The following MSH6 variants were observed in gnomAD, a reference collection of about 807,000 sequenced individuals.
MSH6 encodes DNA mismatch repair protein Msh6.
MSH6 carries 85 observed loss-of-function variants against 119.1 expected under a neutral mutation model. The ratio of observed to expected loss-of-function variants is 0.71; its 90% CI spans 0.60 to 0.85. The LOEUF (loss-of-function observed/expected upper bound fraction) is 0.85, where lower values mean the gene tolerates loss of function less well. MSH6 is among the 40% of genes least tolerant of loss of function. The pLI is 0.00. For synonymous variants in MSH6, 830 were observed against 586.9 expected (o/e 1.41, Z -5.99); for missense variants, 2,163 against 1,655.3 (o/e 1.31, Z -5.32).
At chr2:47,805,846 G>A (rs771391981) in intron 7 of MSH6, 139 bp downstream of exon 7, 17 of 752,226 alleles carry the variant, frequency 2.3e-5, no homozygotes, top group Non-Finnish European at 3.7e-5. Context: ...TTGTGGCACA[G>A]ACCGATAGTT....
In MSH6 at chr2:47,806,619, T is replaced by C. The variant is rs1057520473; in HGVS notation, c.3969T>C (p.Phe1323=). 6.2e-7 allele frequency: 1 copy of C among 1,612,498 alleles called. No individual in the cohort carries two copies. The highest frequency in any genetic ancestry group is 8.5e-7 in the Non-Finnish European group (1 of 1,179,862). ...IQKGHRKARE[F]EKMNQSLRLF... is the part of the protein sequence containing the mutation. ...AGGGACATAGAAAAGCAAGAGAATT[T>C]GAGAAGATGAATCAGTCACTACGAT... The change falls in exon 9 of 10, where the codon TTT becomes TTC. Residue 1323 remains phenylalanine, a synonymous_variant. Transcript: ENST00000234420.
intron 4 of MSH6, 123 bp downstream of exon 4, chr2:47,801,278 T>G (rs1003314148): frequency 2.9e-6 from 3 of 1,047,936 alleles, no homozygotes; most frequent in African/African-American, 3.2e-5. Flanking sequence ...CATATACATA[T>G]TTGCATCCTG....
chr2:47,790,882 CTT>C, intron 1 of MSH6, 43 bp from the exon 2 acceptor site: 1 of 1,591,000 alleles, frequency 6.3e-7, no homozygotes, highest in Middle Eastern at 1.7e-4. Context: ...TTTAAGGAAA[CTT>C]GACCAAATAT....
intron 1 of MSH6, among the ~76,000 whole-genome samples, chr2:47,786,921 C>A (rs149254684): frequency 6.5e-4 from 99 of 152,272 alleles, no homozygotes; most frequent in African/African-American, 2.2e-3. Context: ...CAAGTGTGAG[C>A]CACCACACCC....
At chr2:47,809,578 G>T, downstream of MSH6, 1 of 1,507,904 alleles carries the variant, frequency 6.6e-7, no homozygotes, top group Non-Finnish European at 9.2e-7. Flanking sequence ...TATATTTATA[G>T]GTATAGCAGA....
chr2:47,807,523 C>T (rs1670304023), downstream of MSH6: 1 of 210,802 alleles, frequency 4.7e-6, no homozygotes, highest in Non-Finnish European at 9.6e-6. Flanking sequence ...AACGTACATA[C>T]TGGGACATGA....
In MSH6 at chr2:47,805,010, C is replaced by T. The variant is rs766905993; in HGVS notation, c.3539C>T (p.Ser1180Leu). 1 of 1,612,644 alleles carries T rather than the reference C, an allele frequency of 6.2e-7. No individual in the cohort carries two copies. Among genetic ancestry groups the T allele is most frequent in the Non-Finnish European group, 8.5e-7 (1 of 1,178,670 alleles). Residue 1180 changes from serine (S) to leucine (L), a missense_variant, in exon 6 of 10, where the codon TCA becomes TTA. Coordinates refer to ENST00000234420, the MANE Select transcript of MSH6 (RefSeq NM_000179.3). ...AGAGTGTTTACTAGACTTGGTGCCT[C>T]AGACAGAATAATGTCAGGTGAGTTT... ...IDRVFTRLGA[S>L]DRIMSGESTF... is the part of the protein sequence containing the mutation.
chr2:47,799,378 A>T lies in MSH6; in HGVS notation c.1395A>T (p.Ala465=), dbSNP rs1057520322. ...CCCATTCTGGCTTTCCTGAAATTGC[A>T]TTTGGCCGTTATTCAGATTCCCTGG... ...NWAHSGFPEI[A]FGRYSDSLVQ... The change falls in exon 4 of 10, where the codon GCA becomes GCT. Residue 465 remains alanine, a synonymous_variant. Transcript: ENST00000234420. 2.5e-6 allele frequency: 4 copies of T among 1,614,106 alleles called. No homozygotes were observed. Among genetic ancestry groups the T allele is most frequent in the Non-Finnish European group, 1.7e-6 (2 of 1,180,014 alleles).
rs1335712213 is a variant in MSH6 at position 47,803,548 on chromosome 2, A to G, written c.3301A>G (p.Lys1101Glu). 1 of 1,614,094 alleles carries G rather than the reference A, an allele frequency of 6.2e-7. No homozygotes were observed. Among genetic ancestry groups the G allele is most frequent in the South Asian group, 1.1e-5 (1 of 91,082 alleles). Residue 1101 changes from lysine to glutamate, a missense_variant, in exon 5 of 10, where the codon AAG becomes GAG. Coordinates refer to ENST00000234420, the MANE Select transcript of MSH6 (RefSeq NM_000179.3). ...LKGSRHPCITKTFFGDDFIPN... is the reference protein window; with the variant it reads ...LKGSRHPCITETFFGDDFIPN... ...AGGATCACGCCATCCTTGCATTACGAAGACTTTTTTTGGAGATGATTTTAT... is the reference window on the plus strand; with the variant it reads ...AGGATCACGCCATCCTTGCATTACGGAGACTTTTTTTGGAGATGATTTTAT...
Position 47,783,323 on chromosome 2 carries a change from A to G in MSH6, c.90A>G (p.Glu30=), listed in dbSNP as rs1060504760. 7.4e-6 allele frequency: 12 copies of G among 1,610,770 alleles called. No homozygotes were observed. The highest frequency in any genetic ancestry group is 9.3e-6 in the Non-Finnish European group (11 of 1,178,946). The change falls in exon 1 of 10, where the codon GAA becomes GAG. Residue 30 remains glutamate (E), a synonymous_variant. Transcript: ENST00000234420. The part of the protein sequence containing the change: ...ANKASARASR[E]GGRAAAAPGA... ...AGGCCTCGGCCAGGGCCTCACGCGA[A>G]GGCGGCCGTGCCGCCGCTGCCCCCG...
chr2:47,783,416 G>A lies in MSH6; in HGVS notation c.183G>A (p.Ala61=), dbSNP rs1060504757. 6.6e-7 allele frequency: 1 copy of A among 1,520,374 alleles called. No individual in the cohort carries two copies. The highest frequency in any genetic ancestry group is 8.8e-7 in the Non-Finnish European group (1 of 1,136,742). 94.2% of individuals were successfully genotyped at this position (1,520,374 alleles called of 1,614,324 possible). The stretch of plus-strand genomic sequence containing the variant: ...CTGGGCCTGGGCCCAGGCCCTTGGC[G>A]CGCTCCGCGTCACCGCCCAAGGCGA... ...SEAGPGPRPL[A]RSASPPKAKN... The change falls in exon 1 of 10, where the codon GCG becomes GCA. Residue 61 remains alanine (A), a synonymous_variant. Coordinates refer to ENST00000234420, the MANE Select transcript of MSH6 (RefSeq NM_000179.3).
intron 1 of MSH6, chr2:47,785,046 A>G (rs1056273382): frequency 6.6e-6 from 1 of 150,722 alleles, no homozygotes; most frequent in African/African-American, 2.4e-5. Context: ...CTGGTATCGA[A>G]CTCCTGACCT....
At position 47,800,461 on chromosome 2, in the gene MSH6, T is replaced by C. The variant is rs1572727338; in HGVS notation, c.2478T>C (p.His826=). Residue 826 remains histidine (H), a synonymous_variant, in exon 4 of 10, where the codon CAT becomes CAC. Coordinates refer to ENST00000234420, the MANE Select transcript of MSH6 (RefSeq NM_000179.3). ...PDLERLLSKI[H]NVGSPLKSQN... Reference sequence around the variant, plus strand: ...TTGAGAGGCTACTCAGTAAAATTCATAATGTTGGGTCTCCCCTGAAGAGTC... The same window carrying C: ...TTGAGAGGCTACTCAGTAAAATTCACAATGTTGGGTCTCCCCTGAAGAGTC... 1 of 1,613,846 alleles carries C rather than the reference T, an allele frequency of 6.2e-7. No homozygotes were observed. The highest frequency in any genetic ancestry group is 8.5e-7 in the Non-Finnish European group (1 of 1,179,984).
downstream of MSH6, chr2:47,808,352 A>C: frequency 6.2e-7 from 1 of 1,612,468 alleles, no homozygotes; most frequent in African/African-American, 1.3e-5. Context: ...TAAACTCTAC[A>C]TCATGTCCCT....
intron 2 of MSH6, among the ~76,000 whole-genome samples, chr2:47,792,846 GTTTTTTTTTTT>G (rs11335797): frequency 1.2e-4 from 14 of 114,428 alleles, no homozygotes; most frequent in African/African-American, 3.9e-4. Context: ...TTTTTATATA[GTTTTTTTTTTT>G]TTTTTTTTTT....
rs1334275550 is a variant in MSH6, at chr2:47,789,336, G to A, written c.261-1591G>A. On this transcript the variant is annotated intron_variant, in intron 1 of 9. Coordinates refer to ENST00000234420, the MANE Select transcript of MSH6 (RefSeq NM_000179.3). Reference sequence around the variant, plus strand: ...CAAAATTTTTTGTTTAAATGCTTATGTTTCTAATATTTTATTTCAGAAAGG... The same window carrying A: ...CAAAATTTTTTGTTTAAATGCTTATATTTCTAATATTTTATTTCAGAAAGG... 7.4e-6 allele frequency: 3 copies of A among 404,252 alleles called. No homozygotes were observed. The East Asian group carries it at 2.2e-4, about 30-fold the overall frequency. The allele number at this position is 404,252 out of a possible 1,614,324, so 25.0% of individuals were successfully genotyped here.
chr2:47,796,947 C>T (rs1669133797), intron 3 of MSH6, among the ~76,000 whole-genome samples: 5 of 152,226 alleles, frequency 3.3e-5, no homozygotes, highest in South Asian at 2.1e-4. Context: ...CACTGCATTC[C>T]AGCCAGGGTG....
At chr2:47,785,888 T>G (rs1055882846) in intron 1 of MSH6, among the ~76,000 whole-genome samples, 2 of 152,224 alleles carry the variant, frequency 1.3e-5, no homozygotes, top group Non-Finnish European at 2.9e-5. Context: ...ATAAAACGTA[T>G]ACATTTCACC....
chr2:47,798,806 A>T lies in MSH6; in HGVS notation c.823A>T (p.Ser275Cys), dbSNP rs2104299674. The T allele has an allele frequency of 1.2e-6, 2 of 1,614,214 alleles. No individual in the cohort carries two copies. The highest frequency in any genetic ancestry group is 1.7e-6 in the Non-Finnish European group (2 of 1,180,038). The change falls in exon 4 of 10, where the codon AGT becomes TGT. Residue 275 changes from serine to cysteine, a missense_variant. Coordinates refer to ENST00000234420, the MANE Select transcript of MSH6 (RefSeq NM_000179.3). The stretch of plus-strand genomic sequence containing the variant: ...GCCAGACACTAAGGAGGAAGGAAGC[A>T]GTGATGAAATAAGCAGTGGAGTGGG... ...FKPDTKEEGS[S>C]DEISSGVGDS...
Sources: allele counts gnomAD v4.1 joint callset (sites outside exome capture counted in the v4.1 genomes callset), GRCh38; gene constraint gnomAD v4.1.1; transcripts MANE v1.5; gene names NCBI Gene and HGNC (gene_info 2026-07-23, HGNC 2026-07-21).